The following MYH14 variants were observed in gnomAD, a reference collection of about 807,000 sequenced individuals.
MYH14 encodes the protein myosin heavy chain 14, also known as myosin-14.
A neutral mutation model predicts 255.5 loss-of-function variants in MYH14; 123 were observed. The observed-to-expected ratio is 0.48, with a 90% CI of 0.42 to 0.56. MYH14 has a LOEUF of 0.56. Ranked by LOEUF, MYH14 falls within the 20% of genes least tolerant of loss-of-function variation. The pLI is 0.00. For synonymous variants in MYH14, 1,095 were observed against 1,161.2 expected (o/e 0.94, Z 1.16); for missense variants, 2,423 against 2,802.3 (o/e 0.86, Z 3.06).
chr19:50,204,715 C>T (rs567480316), intron 1 of MYH14, among the ~76,000 whole-genome samples: 2 of 152,174 alleles, frequency 1.3e-5, no homozygotes, highest in African/African-American at 4.8e-5. Context: ...GGCAACACAG[C>T]GAGACTTCGT....
intron 22 of MYH14, among the ~76,000 whole-genome samples, chr19:50,264,260 G>A (rs1180806561): frequency 1.3e-5 from 2 of 152,082 alleles, no homozygotes; most frequent in African/African-American, 4.8e-5. Context: ...GATGTCCAGC[G>A]TTTTTCCTGG....
intron 42 of MYH14, 138 bp from the exon 43 acceptor site, chr19:50,309,502 T>G: frequency 1.5e-6 from 1 of 664,558 alleles, no homozygotes. Flanking sequence ...CTTGATCTCA[T>G]CCCTCTCTTC....
At chr19:50,270,905 A>G (rs956074429) in intron 24 of MYH14, among the ~76,000 whole-genome samples, 2 of 152,130 alleles carry the variant, frequency 1.3e-5, no homozygotes, top group African/African-American at 4.8e-5. Context: ...CGTGTTAGCC[A>G]GGATGGTCTC....
chr19:50,296,622 A>G (rs1568551627), intron 39 of MYH14, among the ~76,000 whole-genome samples: 2 of 152,206 alleles, frequency 1.3e-5, no homozygotes, highest in African/African-American at 2.4e-5. Flanking sequence ...AAAGAAAAAG[A>G]AAAGAAGAGA....
chr19:50,292,159 T>C lies in MYH14; in HGVS notation c.5128-102T>C, dbSNP rs1040694612. The C allele has an allele frequency of 3.2e-6, 4 of 1,252,492 alleles. No individual in the cohort carries two copies. The African/African-American group carries it at 6.2e-5, about 19-fold the overall frequency. 77.6% of individuals were successfully genotyped at this position (1,252,492 alleles called of 1,614,324 possible). ...CAGGGTTCGGAGAGTTCCCTGCTTGTTCACGGGAGCTGAGGAGCCCCGTCG... is the reference window on the plus strand; with the variant it reads ...CAGGGTTCGGAGAGTTCCCTGCTTGCTCACGGGAGCTGAGGAGCCCCGTCG... On this transcript the variant is annotated intron_variant, in intron 36 of 42. Coordinates refer to ENST00000642316, the MANE Select transcript of MYH14 (RefSeq NM_001145809.2).
At chr19:50,256,473 G>T (rs2034595805) in intron 17 of MYH14, among the ~76,000 whole-genome samples, 1 of 152,242 alleles carries the variant, frequency 6.6e-6, no homozygotes, top group African/African-American at 2.4e-5. Flanking sequence ...CCAGGTTCAA[G>T]TAATTCTCCT....
rs745491664 is a variant in MYH14 at position 50,223,302 on chromosome 19, G to A, written c.646G>A (p.Ala216Thr). 22 of 1,601,838 alleles carry A rather than the reference G, an allele frequency of 1.4e-5. No individual in the cohort carries two copies. The highest frequency in any genetic ancestry group is 2.7e-5 in the African/African-American group (2 of 74,656). Residue 216 changes from alanine to threonine, a missense_variant, in exon 5 of 43, where the codon GCC (alanine) becomes ACC (threonine). Ala to Thr is a moderately conservative substitution (Grantham distance 58). This residue lies in a region of MYH14 where 672 missense variants were observed against 881.8 expected (regional missense o/e 0.76). Coordinates refer to ENST00000642316, the MANE Select transcript of MYH14 (RefSeq NM_001145809.2). ...ENTKKVIQYL[A>T]HVASSPKGRK... is the part of the protein sequence containing the mutation. ...CACCAAGAAGGTCATCCAGTACCTC[G>A]CCCACGTGGCGTCGTCTCCAAAGGG...
intron 2 of MYH14, among the ~76,000 whole-genome samples, chr19:50,215,439 C>T (rs12981844): frequency 6.6e-6 from 1 of 152,014 alleles, no homozygotes; most frequent in African/African-American, 2.4e-5. Flanking sequence ...ACCCTCCCAC[C>T]GTTAGAAGGT....
In MYH14 at chr19:50,275,135, A is replaced by T. The variant is rs553382187; in HGVS notation, c.3468-856A>T. Among the ~76,000 whole-genome samples the T allele has an allele frequency of 3.3e-5, 5 of 152,258 alleles. No homozygotes were observed. The South Asian group carries it at 1.0e-3, about 32-fold the overall frequency. On this transcript the variant is annotated intron_variant, in intron 27 of 42. Coordinates refer to ENST00000642316, the MANE Select transcript of MYH14 (RefSeq NM_001145809.2). ...GGAGTGTTCATCGTCATGTCCTCCC[A>T]CAAATCAGGACCCTGCCCTTCTTAA...
At chr19:50,275,944 A>T in intron 27 of MYH14, 47 bp from the exon 28 acceptor site, 2 of 1,478,376 alleles carry the variant, frequency 1.4e-6, no homozygotes, top group Non-Finnish European at 1.9e-6. Flanking sequence ...TCATTGCCTC[A>T]CTCTGGCCTG....
chr19:50,300,663 C>T (rs940760358), intron 39 of MYH14, among the ~76,000 whole-genome samples: 1 of 109,140 alleles, frequency 9.2e-6, no homozygotes. Context: ...GCAGGAGAAT[C>T]GCTTGAACCT....
At chr19:50,308,727 C>T in intron 41 of MYH14, 1 of 407,714 alleles carries the variant, frequency 2.5e-6, no homozygotes, top group South Asian at 5.9e-5. Context: ...ACTGGGGAGC[C>T]ATGAAAGGAT....
chr19:50,284,865 T>C (rs2035840923), intron 33 of MYH14: 1 of 152,000 alleles, frequency 6.6e-6, no homozygotes. Context: ...GCATATCTAT[T>C]GAAAGTCATT....
intron 40 of MYH14, 105 bp downstream of exon 40, chr19:50,301,974 C>G (rs1332852767): frequency 7.6e-6 from 7 of 925,296 alleles, no homozygotes; most frequent in Non-Finnish European, 1.2e-5. Flanking sequence ...ATCCAAAAGA[C>G]ATCATCATAG....
chr19:50,253,873 T>C (rs4801824), intron 16 of MYH14, among the ~76,000 whole-genome samples: 43,315 of 152,036 alleles, frequency 0.28, 6,334 homozygotes, highest in East Asian at 0.31. Context: ...AATCTTTTAT[T>C]GACATGAAAA....
rs774813854 is a variant in MYH14, at chr19:50,260,673, C to G, written c.2382C>G (p.Ile794Met). ...ACGAGATCCTGACACCCAATGCCAT[C>G]CCCAAGGGCTTCATGGATGGGAAGC... ...QRYEILTPNA[I>M]PKGFMDGKQA... Residue 794 changes from isoleucine to methionine, a missense_variant, in exon 20 of 43, where the codon ATC (isoleucine) becomes ATG (methionine). Coordinates refer to ENST00000642316, the MANE Select transcript of MYH14 (RefSeq NM_001145809.2). The G allele has an allele frequency of 6.2e-7, 1 of 1,613,422 alleles. No individual in the cohort carries two copies. Among genetic ancestry groups the G allele is most frequent in the Admixed American group, 1.7e-5 (1 of 59,944 alleles).
rs2036176693 is a variant in MYH14 at position 50,293,925 on chromosome 19, C to T, written c.5469+238C>T. ...ACAGACATGGGCCAGCAAGTGTGAT[C>T]ATGGAAGTCTCCTGGGCCCAGTAGA... On this transcript the variant is annotated intron_variant, in intron 39 of 42. Transcript: ENST00000642316. This position sits in a 1 kb window ranked among gnomAD's most constrained non-coding sequence, Gnocchi z 4.1. Among the ~76,000 whole-genome samples the T allele has an allele frequency of 6.6e-6, 1 of 152,058 alleles. No individual in the cohort carries two copies. Among genetic ancestry groups the T allele is most frequent in the African/African-American group, 2.4e-5 (1 of 41,388 alleles).
chr19:50,286,762 C>A (rs1212950956), intron 34 of MYH14, 68 bp downstream of exon 34: 11 of 1,390,160 alleles, frequency 7.9e-6, no homozygotes, highest in Non-Finnish European at 8.9e-6. Context: ...TGTATGCTTT[C>A]ACACATAGAA....
chr19:50,225,014 G>A (rs2033024185), intron 6 of MYH14, among the ~76,000 whole-genome samples: 1 of 152,098 alleles, frequency 6.6e-6, no homozygotes, highest in East Asian at 1.9e-4. Context: ...GCTGAGGTGA[G>A]AGGATTCCTT....
Sources: allele counts gnomAD v4.1 joint callset (sites outside exome capture counted in the v4.1 genomes callset), GRCh38; gene constraint gnomAD v4.1.1; regional missense constraint gnomAD v4.1.1; non-coding constraint Gnocchi (gnomAD v3.1); transcripts MANE v1.5; gene names NCBI Gene and HGNC (gene_info 2026-07-23, HGNC 2026-07-21).